RBFOX1: variants seen among roughly 807,000 people sequenced by gnomAD.
The protein encoded by RBFOX1 is RNA binding fox-1 homolog 1.
Under a neutral mutation model 57.7 loss-of-function variants are expected in RBFOX1, and 8 were observed. The observed-to-expected ratio is 0.14, with a 90% CI of 0.08 to 0.25. RBFOX1 has a LOEUF of 0.25. RBFOX1 is among the 10% of genes least tolerant of loss of function. RBFOX1 has a pLI of 1.00. For synonymous variants in RBFOX1, 326 were observed against 222.4 expected, an observed-to-expected ratio of 1.47 and a Z score of -4.15; for missense variants, 611 against 548.5, an observed-to-expected ratio of 1.11 and a Z score of -1.14.
At chr16:7,059,293 C>A (rs111972623) in intron 4 of RBFOX1, among the ~76,000 whole-genome samples, 2 of 152,170 alleles carry the variant, frequency 1.3e-5, no homozygotes, top group East Asian at 3.9e-4. Context: ...CTTCTCCCCA[C>A]CCCTTGGTGA....
chr16:7,529,099 A>G (rs916718663), intron 5 of RBFOX1, among the ~76,000 whole-genome samples: 7 of 152,138 alleles, frequency 4.6e-5, no homozygotes, highest in Non-Finnish European at 4.4e-5. Context: ...TCTCGACACA[A>G]AAAGTACAAA....
chr16:6,839,868 C>G (rs1316803668), intron 3 of RBFOX1, among the ~76,000 whole-genome samples: 2 of 152,176 alleles, frequency 1.3e-5, no homozygotes, highest in African/African-American at 2.4e-5. Context: ...TTTGGGGTAT[C>G]TTTTCCCCTC....
At chr16:6,829,468 AC>A (rs1356317164) in intron 3 of RBFOX1, among the ~76,000 whole-genome samples, 2 of 138,918 alleles carry the variant, frequency 1.4e-5, no homozygotes, top group Non-Finnish European at 3.0e-5. Context: ...GCAATGAAAT[AC>A]CACTCAACCA....
At chr16:6,792,945 C>T (rs1399319428) in intron 3 of RBFOX1, among the ~76,000 whole-genome samples, 3 of 151,226 alleles carry the variant, frequency 2.0e-5, no homozygotes, top group Admixed American at 2.0e-4. Flanking sequence ...CAGAGAATTG[C>T]TTGAACCCGT....
At chr16:6,113,512 G>T (rs573757181) in intron 1 of RBFOX1, among the ~76,000 whole-genome samples, 4 of 152,348 alleles carry the variant, frequency 2.6e-5, no homozygotes, top group African/African-American at 9.6e-5. Flanking sequence ...CAGCCATCCT[G>T]TGGGCATGAT....
chr16:6,951,291 T>C (rs1377417565), intron 3 of RBFOX1, among the ~76,000 whole-genome samples: 1 of 152,186 alleles, frequency 6.6e-6, no homozygotes, highest in African/African-American at 2.4e-5. Context: ...GGGGTCAGTT[T>C]CAGCTGTCTG....
At chr16:5,638,114 T>C (rs2048744328) in intron 3 of RBFOX1, among the ~76,000 whole-genome samples, 1 of 152,190 alleles carries the variant, frequency 6.6e-6, no homozygotes, top group South Asian at 2.1e-4. Context: ...AAGTTCCCAT[T>C]CATAGATACA....
chr16:7,446,552 A>G (rs556522644), intron 4 of RBFOX1, among the ~76,000 whole-genome samples: 1 of 152,278 alleles, frequency 6.6e-6, no homozygotes, highest in Admixed American at 6.5e-5. Flanking sequence ...CATTTCTACC[A>G]TACACTAAGC....
intron 4 of RBFOX1, among the ~76,000 whole-genome samples, chr16:7,462,555 G>A (rs1442928560): frequency 1.3e-5 from 2 of 152,236 alleles, no homozygotes; most frequent in East Asian, 1.9e-4. Flanking sequence ...TGGGTTAGAA[G>A]TGTAACTTCG....
intron 5 of RBFOX1, among the ~76,000 whole-genome samples, chr16:7,535,433 T>G (rs892047223): frequency 2.0e-5 from 3 of 152,214 alleles, no homozygotes; most frequent in Non-Finnish European, 2.9e-5. Context: ...GACTCAGAGA[T>G]GCAAACAGTG....
At chr16:7,312,842 T>G (rs1481669697) in intron 4 of RBFOX1, among the ~76,000 whole-genome samples, 1 of 152,190 alleles carries the variant, frequency 6.6e-6, no homozygotes, top group East Asian at 1.9e-4. Context: ...TCCCATAAGC[T>G]TTAATATGGC....
intron 4 of RBFOX1, among the ~76,000 whole-genome samples, chr16:7,221,561 C>G (rs1012024822): frequency 6.6e-6 from 1 of 151,862 alleles, no homozygotes; most frequent in Non-Finnish European, 1.5e-5. Flanking sequence ...GAGAAGGGGT[C>G]GCACCATGTT....
chr16:7,228,934 A>T (rs8060406), intron 4 of RBFOX1, among the ~76,000 whole-genome samples: 1 of 151,988 alleles, frequency 6.6e-6, no homozygotes, highest in Non-Finnish European at 1.5e-5. Context: ...TGGGGTAGAG[A>T]GTATAATAAT....
intron 3 of RBFOX1, among the ~76,000 whole-genome samples, chr16:5,849,829 A>C (rs574427103): frequency 6.6e-6 from 1 of 152,130 alleles, no homozygotes; most frequent in African/African-American, 2.4e-5. Context: ...TTTGTTCCCA[A>C]GAAGTATTCT....
intron 1 of RBFOX1, among the ~76,000 whole-genome samples, chr16:6,167,065 G>T (rs1011955126): frequency 6.6e-6 from 1 of 152,162 alleles, no homozygotes; most frequent in Non-Finnish European, 1.5e-5. Context: ...AAGCCATCCT[G>T]CCCTGCCTTG....
intron 1 of RBFOX1, among the ~76,000 whole-genome samples, chr16:6,141,926 G>T (rs893855049): frequency 1.3e-5 from 2 of 151,684 alleles, no homozygotes; most frequent in African/African-American, 4.8e-5. Flanking sequence ...AGGTATGGTG[G>T]CTCATGCCTG....
At chr16:6,038,154 C>G (rs1047565730) in intron 1 of RBFOX1, 1 of 150,674 alleles carries the variant, frequency 6.6e-6, no homozygotes, top group Non-Finnish European at 1.5e-5. Flanking sequence ...GGAAGCAAGC[C>G]TATATTTATT....
At chr16:5,286,184 G>A (rs1403092234) in intron 1 of RBFOX1, among the ~76,000 whole-genome samples, 1 of 152,160 alleles carries the variant, frequency 6.6e-6, no homozygotes, top group Non-Finnish European at 1.5e-5. Context: ...GTCAATACTA[G>A]GGACCATGGG....
At chr16:7,196,088 A>T (rs529102826) in intron 4 of RBFOX1, among the ~76,000 whole-genome samples, 36 of 151,826 alleles carry the variant, frequency 2.4e-4, no homozygotes, top group Admixed American at 4.6e-4. Flanking sequence ...TGTTATTATT[A>T]TTGTTTGCTC....
Sources: gnomAD v4.1 joint callset for allele counts (sites outside exome capture counted in the v4.1 genomes callset) on GRCh38, gnomAD v4.1.1 for gene constraint, MANE v1.5 for transcripts, NCBI Gene and HGNC (gene_info 2026-07-23, HGNC 2026-07-21) for gene names.